ZNF563: variants seen among roughly 807,000 people sequenced by gnomAD.
The protein encoded by ZNF563 is zinc finger protein 563.
Under a neutral mutation model 48.5 loss-of-function variants are expected in ZNF563, and 39 were observed. The ratio of observed to expected loss-of-function variants is 0.80; its 90% CI spans 0.62 to 1.05. ZNF563 has a LOEUF of 1.05. Among genes scored for constraint, ZNF563 ranks in the 50% least tolerant of loss-of-function variants. ZNF563 has a pLI of 0.00. For missense variants in ZNF563, 538 were observed against 597.0 expected (o/e 0.90, Z 1.03); for synonymous variants, 168 against 187.9 (o/e 0.89, Z 0.87).
rs1163571800 is a variant in ZNF563 at position 12,318,895 on chromosome 19, C to CTATGAA, written c.1129_1130insTTCATA (p.His376_Ser377insIleHis). 4 of 1,614,042 alleles carry CTATGAA rather than the reference C, an allele frequency of 2.5e-6. No individual in the cohort carries two copies. The highest frequency in any genetic ancestry group is 3.4e-6 in the Non-Finnish European group (4 of 1,180,044). Reference sequence around the variant, plus strand: ...TATCATGTGTCTTCGAAAGCTTGAGCTATGAGATAACGTTTTCCCACACTG... The same window carrying CTATGAA: ...TATCATGTGTCTTCGAAAGCTTGAGCTATGAATATGAGATAACGTTTTCCCACACTG... On this transcript the variant is annotated inframe_insertion, in exon 4 of 4. Transcript: ENST00000293725.
the ZNF563 span, among the ~76,000 whole-genome samples, chr19:12,339,558 G>T: frequency 1.3e-5 from 2 of 152,046 alleles, no homozygotes; most frequent in Non-Finnish European, 2.9e-5. Flanking sequence ...GGGATTACAG[G>T]CATGAGCCAC....
intron 1 of ZNF563, among the ~76,000 whole-genome samples, chr19:12,329,921 TTTTC>T (rs1968882147): frequency 6.9e-6 from 1 of 144,850 alleles, no homozygotes; most frequent in Non-Finnish European, 1.5e-5. Flanking sequence ...TTTTCTTTTC[TTTTC>T]TTTTTTTTTT....
At chr19:12,344,326 C>T in the ZNF563 span, among the ~76,000 whole-genome samples, 1 of 150,266 alleles carries the variant, frequency 6.7e-6, no homozygotes, top group Admixed American at 6.6e-5. Flanking sequence ...CCGCACCACT[C>T]CAGTCCAGCC....
chr19:12,333,537 G>T lies in ZNF563; in HGVS notation c.-55C>A. 9.9e-6 allele frequency: 16 copies of T among 1,610,238 alleles called. No homozygotes were observed. The highest frequency in any genetic ancestry group is 1.4e-5 in the Non-Finnish European group (16 of 1,177,932). ...TCCCTCTGCCTCCCGCTGCCAGTGC[G>T]GGTCCCACTGTGACAGAGGCTGCCA... is the stretch of plus-strand genomic sequence containing the variant. On this transcript the variant is annotated 5_prime_UTR_variant, in exon 1 of 4. Transcript: ENST00000293725.
chr19:12,324,033 TA>T (rs1275547682), intron 1 of ZNF563, among the ~76,000 whole-genome samples: 1 of 152,154 alleles, frequency 6.6e-6, no homozygotes, highest in Non-Finnish European at 1.5e-5. Context: ...TAAAATTCCC[TA>T]AATAACTAAA....
In ZNF563 at chr19:12,318,530, G is replaced by T; in HGVS notation, c.*64C>A. 6.6e-7 allele frequency: 1 copy of T among 1,517,410 alleles called. No homozygotes were observed. The highest frequency in any genetic ancestry group is 1.3e-5 in the South Asian group (1 of 79,408). The allele number at this position is 1,517,410 out of a possible 1,614,324, so 94.0% of individuals were successfully genotyped here. ...TTTACATTTATAGGGTTTCTGTCCA[G>T]TGTAAGTTTATTCATGATATCAAAG... On this transcript the variant is annotated 3_prime_UTR_variant, in exon 4 of 4. Transcript: ENST00000293725.
the ZNF563 span, among the ~76,000 whole-genome samples, chr19:12,340,266 G>C: frequency 6.6e-6 from 1 of 152,090 alleles, no homozygotes; most frequent in African/African-American, 2.4e-5. Context: ...CCCATGAGGC[G>C]GAGGTTGCAG....
intron 2 of ZNF563, among the ~76,000 whole-genome samples, 196 bp from the exon 3 acceptor site, chr19:12,321,528 T>A (rs1424173043): frequency 6.6e-6 from 1 of 152,158 alleles, no homozygotes; most frequent in Non-Finnish European, 1.5e-5. Flanking sequence ...CACAGCAACC[T>A]CCGCCTCCTG....
upstream of ZNF563, among the ~76,000 whole-genome samples, chr19:12,335,015 T>C (rs6511786): frequency 0.049 from 7,419 of 152,008 alleles, 606 homozygotes; most frequent in African/African-American, 0.17. Flanking sequence ...CGTGGAGGCG[T>C]GCGCAGGCTG....
At chr19:12,346,107 C>T in the ZNF563 span, 1 of 152,098 alleles carries the variant, frequency 6.6e-6, no homozygotes, top group Non-Finnish European at 1.5e-5. Flanking sequence ...CTGCATATCA[C>T]ATATCAAATA....
At chr19:12,347,121 C>T in the ZNF563 span, 3 of 152,192 alleles carry the variant, frequency 2.0e-5, no homozygotes, top group East Asian at 5.8e-4. Context: ...GCCCTCTAGG[C>T]AACATCGTGG....
intron 1 of ZNF563, among the ~76,000 whole-genome samples, chr19:12,324,493 G>A (rs8099972): frequency 0.18 from 26,820 of 151,890 alleles, 2,412 homozygotes; most frequent in East Asian, 0.25. Context: ...TGAGGTGGGC[G>A]GATCACCTGA....
chr19:12,345,604 T>C, the ZNF563 span, among the ~76,000 whole-genome samples: 1 of 152,174 alleles, frequency 6.6e-6, no homozygotes, highest in Non-Finnish European at 1.5e-5. Context: ...GACCTATACT[T>C]AAAAGCTAAA....
the ZNF563 span, among the ~76,000 whole-genome samples, chr19:12,339,405 G>A: frequency 1.4e-5 from 2 of 146,672 alleles, no homozygotes; most frequent in African/African-American, 2.5e-5. Flanking sequence ...TCAGCCTCCC[G>A]AGTAGCTGGG....
upstream of ZNF563, among the ~76,000 whole-genome samples, chr19:12,336,416 C>T (rs2145823979): frequency 6.6e-6 from 1 of 151,978 alleles, no homozygotes; most frequent in East Asian, 1.9e-4. Flanking sequence ...CATGGTGAAA[C>T]CCCGTCTCTA....
upstream of ZNF563, among the ~76,000 whole-genome samples, chr19:12,338,538 C>T (rs942150828): frequency 2.6e-5 from 4 of 152,064 alleles, no homozygotes; most frequent in South Asian, 2.1e-4. Flanking sequence ...GCACCACACC[C>T]GGCTTGATGG....
Position 12,321,337 on chromosome 19 carries a change from A to C in ZNF563, c.131-5T>G, listed in dbSNP as rs1270197735. 2 of 1,540,964 alleles carry C rather than the reference A, an allele frequency of 1.3e-6. No individual in the cohort carries two copies. Among genetic ancestry groups the C allele is most frequent in the Non-Finnish European group, 1.7e-6 (2 of 1,149,104 alleles). ...TCTGTTCTTCCCATATCATTCCTAA[A>C]AGGGAGACCCAGAAAATCACTATAC... On this transcript the variant is annotated splice_region_variant and splice_polypyrimidine_tract_variant and intron_variant, in intron 2 of 3. Transcript: ENST00000293725.
At chr19:12,327,328 C>T (rs537223061) in intron 1 of ZNF563, among the ~76,000 whole-genome samples, 46 of 151,476 alleles carry the variant, frequency 3.0e-4, no homozygotes, top group Middle Eastern at 3.4e-3. Context: ...GGTGTGGTGG[C>T]GGGCATCTGT....
Position 12,321,343 on chromosome 19 carries a change from G to A in ZNF563, c.131-11C>T. ...CTTCCCATATCATTCCTAAAAGGGA[G>A]ACCCAGAAAATCACTATACATTATT... is the stretch of plus-strand genomic sequence containing the variant. On this transcript the variant is annotated splice_polypyrimidine_tract_variant and intron_variant, in intron 2 of 3. Transcript: ENST00000293725. The A allele has an allele frequency of 6.5e-7, 1 of 1,530,394 alleles. No homozygotes were observed. Among genetic ancestry groups the A allele is most frequent in the East Asian group, 2.4e-5 (1 of 41,582 alleles). 94.8% of individuals were successfully genotyped at this position (1,530,394 alleles called of 1,614,324 possible).
Sources: gnomAD v4.1 joint callset for allele counts (sites outside exome capture counted in the v4.1 genomes callset) on GRCh38, gnomAD v4.1.1 for gene constraint, MANE v1.5 for transcripts, NCBI Gene and HGNC (gene_info 2026-07-23, HGNC 2026-07-21) for gene names.